MTX2: variants seen among roughly 807,000 people sequenced by gnomAD.
The protein encoded by MTX2 is metaxin-2.
MTX2 carries 35 observed loss-of-function variants against 42.3 expected under a neutral mutation model. The ratio of observed to expected loss-of-function variants is 0.83; its 90% CI spans 0.63 to 1.10. MTX2 has a LOEUF of 1.10. Among genes scored for constraint, MTX2 ranks in the 50% least tolerant of loss-of-function variants. The pLI is 0.00. For synonymous variants in MTX2, 119 were observed against 100.9 expected (o/e 1.18, Z -1.08); for missense variants, 307 against 304.1 (o/e 1.01, Z -0.07).
At chr2:176,318,442 T>C (rs1684497666) in intron 3 of MTX2, among the ~76,000 whole-genome samples, 1 of 152,198 alleles carries the variant, frequency 6.6e-6, no homozygotes, top group Non-Finnish European at 1.5e-5. Context: ...TGTGTGCATT[T>C]CAAAAATTTC....
chr2:176,301,362 G>A lies in MTX2; in HGVS notation c.135+3467G>A, dbSNP rs1002374794. Among the ~76,000 whole-genome samples, 11 of 152,186 alleles carry A rather than the reference G, an allele frequency of 7.2e-5. No homozygotes were observed. In the South Asian group the frequency reaches 1.5e-3, roughly 20 times the overall value. ...GTGGAGATAAACAGAAAACAACAAC[G>A]ACATTGGTTGAGTGCCACCTGTGCT... On this transcript the variant is annotated intron_variant, in intron 3 of 9. Coordinates refer to ENST00000249442, the MANE Select transcript of MTX2 (RefSeq NM_006554.5).
At chr2:176,333,599 CA>C (rs1393969329) in intron 9 of MTX2, among the ~76,000 whole-genome samples, 2 of 151,480 alleles carry the variant, frequency 1.3e-5, no homozygotes, top group Non-Finnish European at 3.0e-5. Context: ...GGAAAAATTA[CA>C]AAAAATATGC....
At chr2:176,288,018 G>A (rs1031771199) in intron 1 of MTX2, among the ~76,000 whole-genome samples, 2 of 151,474 alleles carry the variant, frequency 1.3e-5, no homozygotes, top group African/African-American at 2.4e-5. Context: ...ATGGGAAAAT[G>A]GTTTTAAACA....
intron 1 of MTX2, among the ~76,000 whole-genome samples, chr2:176,294,979 T>C (rs1377396302): frequency 1.3e-5 from 2 of 152,204 alleles, no homozygotes. Context: ...AATATCCTGT[T>C]ACCTTAACAT....
intron 1 of MTX2, among the ~76,000 whole-genome samples, chr2:176,272,801 A>G (rs1053841459): frequency 4.6e-5 from 7 of 152,196 alleles, no homozygotes; most frequent in African/African-American, 1.7e-4. Flanking sequence ...TGGAGGAACT[A>G]TATTTCTGAA....
chr2:176,270,429 T>A (rs1298386879), intron 1 of MTX2: 1 of 1,354,604 alleles, frequency 7.4e-7, no homozygotes, highest in South Asian at 1.1e-5. Flanking sequence ...GGTTTGTAAT[T>A]TCTCTTATTG....
chr2:176,308,080 CTTAG>C (rs1201905059), intron 3 of MTX2, among the ~76,000 whole-genome samples: 1 of 152,078 alleles, frequency 6.6e-6, no homozygotes, highest in East Asian at 1.9e-4. Flanking sequence ...TCCATCAATA[CTTAG>C]TTTATTGAGA....
chr2:176,327,384 C>A (rs753871499), intron 5 of MTX2, among the ~76,000 whole-genome samples: 6 of 150,938 alleles, frequency 4.0e-5, no homozygotes, highest in Non-Finnish European at 7.4e-5. Flanking sequence ...AAAAATCATT[C>A]CAGACTTTTT....
chr2:176,284,988 AG>A (rs1693161978), intron 1 of MTX2, among the ~76,000 whole-genome samples: 1 of 152,242 alleles, frequency 6.6e-6, no homozygotes, highest in African/African-American at 2.4e-5. Flanking sequence ...TCAAGTGTAC[AG>A]GAAGAGTTGA....
intron 9 of MTX2, 97 bp downstream of exon 9, chr2:176,330,757 G>A: frequency 1.2e-6 from 1 of 827,502 alleles, no homozygotes; most frequent in Non-Finnish European, 1.9e-6. Context: ...AAAATATTTA[G>A]CTATTTTTAT....
intron 1 of MTX2, among the ~76,000 whole-genome samples, chr2:176,281,786 G>A (rs905864616): frequency 2.6e-5 from 4 of 152,178 alleles, no homozygotes; most frequent in South Asian, 2.1e-4. Context: ...ATGGGGAGTT[G>A]GGGGTGAGTA....
At chr2:176,301,146 A>G (rs1026271426) in intron 3 of MTX2, among the ~76,000 whole-genome samples, 1 of 152,172 alleles carries the variant, frequency 6.6e-6, no homozygotes, top group Non-Finnish European at 1.5e-5. Flanking sequence ...GATACTGAAT[A>G]ATATATTTTA....
chr2:176,292,761 T>C (rs529769829), intron 1 of MTX2, among the ~76,000 whole-genome samples: 1 of 152,234 alleles, frequency 6.6e-6, no homozygotes, highest in Non-Finnish European at 1.5e-5. Context: ...GGTTTACATG[T>C]AATTTACATA....
At position 176,331,313 on chromosome 2, in the gene MTX2, A is replaced by T. The variant is rs540036215; in HGVS notation, c.620+653A>T. On this transcript the variant is annotated intron_variant, in intron 9 of 9. Transcript: ENST00000249442. Reference sequence around the variant, plus strand: ...AAAAATTACAATTTTAATATATCAGAATCAGCTGTCCTGTGATCCAGTGTA... The same window carrying T: ...AAAAATTACAATTTTAATATATCAGTATCAGCTGTCCTGTGATCCAGTGTA... Among the ~76,000 whole-genome samples, 5 of 151,250 alleles carry T rather than the reference A, an allele frequency of 3.3e-5. No individual in the cohort carries two copies. In the East Asian group the frequency reaches 7.7e-4, roughly 23 times the overall value.
intron 1 of MTX2, among the ~76,000 whole-genome samples, chr2:176,279,909 A>G (rs1250206770): frequency 1.3e-5 from 2 of 152,232 alleles, no homozygotes; most frequent in African/African-American, 4.8e-5. Context: ...AGTGCAGATT[A>G]TAGACAAATA....
Position 176,269,727 on chromosome 2 carries a change from G to A in MTX2, c.40+58G>A, listed in dbSNP as rs896968153. The A allele has an allele frequency of 5.8e-6, 9 of 1,547,318 alleles. No individual in the cohort carries two copies. In the African/African-American group the frequency reaches 1.1e-4, roughly 19 times the overall value. ...CGGCGCGGTCTCGGGGAGCCGCGTGGGGTACAGGGCTGGAGCTTTCCTCCA... is the reference window on the plus strand; with the variant it reads ...CGGCGCGGTCTCGGGGAGCCGCGTGAGGTACAGGGCTGGAGCTTTCCTCCA... On this transcript the variant is annotated intron_variant, in intron 1 of 9. Transcript: ENST00000249442.
At chr2:176,328,951 AT>A in intron 7 of MTX2, 39 bp downstream of exon 7, 1 of 1,544,128 alleles carries the variant, frequency 6.5e-7, no homozygotes, top group Non-Finnish European at 8.9e-7. Flanking sequence ...TTAAAATTTA[AT>A]GAGAAAACAC....
intron 3 of MTX2, among the ~76,000 whole-genome samples, chr2:176,299,231 TAC>T (rs781046155): frequency 3.9e-5 from 6 of 151,962 alleles, no homozygotes; most frequent in Non-Finnish European, 5.9e-5. Context: ...TCCTAAAACA[TAC>T]AGAGTGGTCC....
chr2:176,315,321 T>C (rs1434160823), intron 3 of MTX2, among the ~76,000 whole-genome samples: 1 of 152,218 alleles, frequency 6.6e-6, no homozygotes, highest in Non-Finnish European at 1.5e-5. Flanking sequence ...TCTAGTTGTT[T>C]ATGCCAGAAA....
Sources: allele counts gnomAD v4.1 joint callset (sites outside exome capture counted in the v4.1 genomes callset), GRCh38; gene constraint gnomAD v4.1.1; transcripts MANE v1.5; gene names NCBI Gene and HGNC (gene_info 2026-07-23, HGNC 2026-07-21).